ERG: variants seen among roughly 807,000 people sequenced by gnomAD.
The protein encoded by ERG is transcriptional regulator ERG.
In ERG, 9 loss-of-function variants were observed where a neutral mutation model predicts 55.3. The ratio of observed to expected loss-of-function variants is 0.16; its 90% CI spans 0.10 to 0.28. The LOEUF is 0.28. Among genes scored for constraint, ERG ranks in the 10% least tolerant of loss-of-function variants. ERG has a pLI of 1.00. For synonymous variants in ERG, 223 were observed against 237.3 expected (o/e 0.94, Z 0.55); for missense variants, 434 against 631.6 (o/e 0.69, Z 3.35).
chr21:38,566,155 T>C (rs2059921451), intron 2 of ERG, among the ~76,000 whole-genome samples: 1 of 152,084 alleles, frequency 6.6e-6, no homozygotes, highest in Admixed American at 6.5e-5. Context: ...TTCATACCAA[T>C]ACACCATGGG....
intron 9 of ERG, among the ~76,000 whole-genome samples, chr21:38,389,112 C>A (rs1362469757): frequency 1.3e-5 from 2 of 152,140 alleles, no homozygotes; most frequent in East Asian, 3.9e-4. Flanking sequence ...AAAGGAAATC[C>A]TTGCTTTCTA....
intron 2 of ERG, among the ~76,000 whole-genome samples, chr21:38,428,932 G>A (rs1989974541): frequency 6.6e-6 from 1 of 152,092 alleles, no homozygotes; most frequent in South Asian, 2.1e-4. Flanking sequence ...GGTGGTGTCT[G>A]GTTACACGAA....
Position 38,498,384 on chromosome 21 carries a change from G to A in ERG, c.-4C>T. On this transcript the variant is annotated 5_prime_UTR_variant, in exon 1 of 10. Transcript: ENST00000288319. This position sits in a 1 kb window ranked among gnomAD's most constrained non-coding sequence, Gnocchi z 4.6. ...TTACCTTAATAGTGCTGGCCATAAT[G>A]CGATCAAGTTTATTGATCGTTAATA... 2 of 1,601,538 alleles carry A rather than the reference G, an allele frequency of 1.2e-6. No homozygotes were observed. Among genetic ancestry groups the A allele is most frequent in the Non-Finnish European group, 1.7e-6 (2 of 1,171,218 alleles).
Position 38,445,618 on chromosome 21 carries a change from C to T in ERG, c.22G>A (p.Ala8Thr). 1 of 1,613,616 alleles carries T rather than the reference C, an allele frequency of 6.2e-7. No individual in the cohort carries two copies. Among genetic ancestry groups the T allele is most frequent in the Non-Finnish European group, 8.5e-7 (1 of 1,179,592 alleles). MASTIKE[A>T]LSVVSEDQSL... ...TGGTCCTCACTCACAACTGATAAGG[C>T]TTCCTGAATGCCCAAAGAAACACAT... is the stretch of plus-strand genomic sequence containing the variant. The change falls in exon 2 of 10, where the codon GCC (alanine) becomes ACC (threonine). Residue 8 changes from alanine to threonine, a missense_variant. By Grantham distance (58) the Ala-to-Thr change is moderately conservative (BLOSUM62 0). This residue lies in a region of ERG where 212 missense variants were observed against 262.9 expected (regional missense o/e 0.81). Coordinates refer to ENST00000288319, the MANE Select transcript of ERG (RefSeq NM_182918.4).
At chr21:38,658,588 GA>G (rs886223769) in intron 1 of ERG, among the ~76,000 whole-genome samples, 32 of 150,896 alleles carry the variant, frequency 2.1e-4, no homozygotes, top group African/African-American at 6.8e-4. Flanking sequence ...ATTACTTTTA[GA>G]AAAAAAAAGT....
intron 1 of ERG, among the ~76,000 whole-genome samples, chr21:38,453,121 T>C (rs1011622222): frequency 1.3e-5 from 2 of 152,226 alleles, no homozygotes; most frequent in East Asian, 1.9e-4. Flanking sequence ...TGGAAAATAA[T>C]TGCCATTGGC....
At chr21:38,535,883 ACTT>A (rs1242122859) in intron 2 of ERG, among the ~76,000 whole-genome samples, 1 of 152,196 alleles carries the variant, frequency 6.6e-6, no homozygotes, top group African/African-American at 2.4e-5. Flanking sequence ...GGGAGAAAGA[ACTT>A]CTTATTAAAT....
intron 2 of ERG, among the ~76,000 whole-genome samples, chr21:38,524,684 T>G (rs2059618046): frequency 6.6e-6 from 1 of 152,174 alleles, no homozygotes; most frequent in Non-Finnish European, 1.5e-5. Context: ...GGAGCAGTGA[T>G]AAGATATTAG....
At chr21:38,649,937 T>G (rs1052197758) in intron 1 of ERG, among the ~76,000 whole-genome samples, 2 of 152,244 alleles carry the variant, frequency 1.3e-5, no homozygotes, top group African/African-American at 4.8e-5. Flanking sequence ...TCATGCTCCT[T>G]GGTCAGAGGT....
chr21:38,520,045 A>AAC (rs1555850843), intron 2 of ERG, among the ~76,000 whole-genome samples: 3 of 151,392 alleles, frequency 2.0e-5, no homozygotes, highest in African/African-American at 7.3e-5. Flanking sequence ...CAAAAACAAA[A>AAC]AAAACTTCCA....
At chr21:38,587,867 T>C (rs2060075951), upstream of ERG, among the ~76,000 whole-genome samples, 1 of 152,252 alleles carries the variant, frequency 6.6e-6, no homozygotes, top group African/African-American at 2.4e-5. Context: ...TCTACTAGGC[T>C]GAAAGGATAA....
intron 1 of ERG, among the ~76,000 whole-genome samples, chr21:38,495,064 G>T (rs2059368793): frequency 6.6e-6 from 1 of 152,236 alleles, no homozygotes; most frequent in South Asian, 2.1e-4. Flanking sequence ...AACAAGGACT[G>T]ACGCAATTCG....
At chr21:38,651,946 G>A (rs912538771) in intron 1 of ERG, among the ~76,000 whole-genome samples, 20 of 152,172 alleles carry the variant, frequency 1.3e-4, no homozygotes, top group African/African-American at 4.8e-4. Flanking sequence ...CCTGCAAAGA[G>A]CCACAGTGAA....
chr21:38,644,768 A>C (rs1030548436), intron 1 of ERG, among the ~76,000 whole-genome samples: 8 of 152,204 alleles, frequency 5.3e-5, no homozygotes, highest in African/African-American at 1.9e-4. Context: ...ACAACTCTGA[A>C]ATGGCCTAGA....
chr21:38,578,479 A>AT (rs750517840), intron 1 of ERG, among the ~76,000 whole-genome samples: 18 of 152,232 alleles, frequency 1.2e-4, no homozygotes, highest in Non-Finnish European at 2.2e-4. Context: ...GGCGGCCTAT[A>AT]TGATCTGCTT....
chr21:38,473,440 T>TATAC (rs1425887116), intron 1 of ERG, among the ~76,000 whole-genome samples: 3 of 150,474 alleles, frequency 2.0e-5, no homozygotes, highest in African/African-American at 7.4e-5. Context: ...TATATATATA[T>TATAC]ACAAAGCTGT....
intron 1 of ERG, among the ~76,000 whole-genome samples, chr21:38,646,915 G>A (rs1316807791): frequency 2.0e-5 from 3 of 152,160 alleles, no homozygotes; most frequent in African/African-American, 4.8e-5. Context: ...AGCGTGCAGG[G>A]AAAAGGCTGC....
chr21:38,651,085 G>A (rs1039086660), intron 1 of ERG, among the ~76,000 whole-genome samples: 2 of 152,204 alleles, frequency 1.3e-5, no homozygotes, highest in African/African-American at 2.4e-5. Context: ...GGCAAAAGCC[G>A]CACTATTTGT....
chr21:38,555,097 C>G (rs535948888), intron 2 of ERG, among the ~76,000 whole-genome samples: 4 of 152,158 alleles, frequency 2.6e-5, no homozygotes, highest in Admixed American at 6.5e-5. Flanking sequence ...GATGCTGAGG[C>G]GGGCGGATTA....
Sources: gnomAD v4.1 joint callset for allele counts (sites outside exome capture counted in the v4.1 genomes callset) on GRCh38, gnomAD v4.1.1 for gene constraint, gnomAD v4.1.1 regional missense constraint, Gnocchi (gnomAD v3.1) non-coding constraint, MANE v1.5 for transcripts, NCBI Gene and HGNC (gene_info 2026-07-23, HGNC 2026-07-21) for gene names.